DPY19L3: variants seen among roughly 807,000 people sequenced by gnomAD.
DPY19L3 encodes the protein protein C-mannosyl-transferase DPY19L3.
DPY19L3 carries 51 observed loss-of-function variants against 92.3 expected under a neutral mutation model. The ratio of observed to expected loss-of-function variants is 0.55; its 90% CI spans 0.44 to 0.70. The LOEUF is 0.70. Among genes scored for constraint, DPY19L3 ranks in the 30% least tolerant of loss-of-function variants. The pLI, the probability that DPY19L3 is intolerant of heterozygous loss-of-function variation, is 0.00. For synonymous variants in DPY19L3, 309 were observed against 315.2 expected, an observed-to-expected ratio of 0.98 and a Z score of 0.21; for missense variants, 706 against 855.9, an observed-to-expected ratio of 0.82 and a Z score of 2.18.
chr19:32,447,237 C>T (rs1376422172), intron 8 of DPY19L3, among the ~76,000 whole-genome samples: 3 of 151,986 alleles, frequency 2.0e-5, no homozygotes, highest in Non-Finnish European at 4.4e-5. Context: ...GGGACACATC[C>T]AAAGCAGTAT....
At chr19:32,472,531 AT>A (rs3038605) in intron 16 of DPY19L3, among the ~76,000 whole-genome samples, 92,377 of 134,646 alleles carry the variant, frequency 0.69, 30,572 homozygotes, top group South Asian at 0.72. Flanking sequence ...AAAAACTTGG[AT>A]TTTTTTTTTT....
intron 8 of DPY19L3, among the ~76,000 whole-genome samples, chr19:32,444,508 A>G (rs1449057995): frequency 6.6e-6 from 1 of 152,246 alleles, no homozygotes. Context: ...GAATCCCAGA[A>G]GAAGACAAGA....
intron 8 of DPY19L3, among the ~76,000 whole-genome samples, chr19:32,442,283 A>G (rs1209996064): frequency 6.6e-6 from 1 of 152,232 alleles, no homozygotes; most frequent in African/African-American, 2.4e-5. Flanking sequence ...TGAACAGAGT[A>G]AAACAGAACA....
At chr19:32,447,815 AT>A (rs66997418) in intron 8 of DPY19L3, among the ~76,000 whole-genome samples, 55,874 of 121,072 alleles carry the variant, frequency 0.46, 11,023 homozygotes, top group African/African-American at 0.57. Flanking sequence ...AGATAGATAG[AT>A]TAGATAGATA....
chr19:32,412,748 G>A (rs61407864), intron 3 of DPY19L3: 59,396 of 151,828 alleles, frequency 0.39, 13,643 homozygotes, highest in Non-Finnish European at 0.53. Flanking sequence ...TGGCCAACAT[G>A]GTGGAACCCT....
intron 3 of DPY19L3, chr19:32,411,657 T>C (rs959208585): frequency 1.1e-5 from 4 of 378,020 alleles, no homozygotes; most frequent in Non-Finnish European, 1.4e-5. Context: ...AACCTCTGCC[T>C]CGCAGGTTCA....
chr19:32,477,385 A>G, intron 16 of DPY19L3, 137 bp from the exon 17 acceptor site: 1 of 1,163,998 alleles, frequency 8.6e-7, no homozygotes, highest in South Asian at 1.6e-5. Flanking sequence ...AACCGAAGCA[A>G]ACTCCCGTTT....
At chr19:32,457,154 A>G (rs1318554545) in intron 10 of DPY19L3, among the ~76,000 whole-genome samples, 1 of 151,862 alleles carries the variant, frequency 6.6e-6, no homozygotes, top group Non-Finnish European at 1.5e-5. Context: ...CCATTTTTTG[A>G]CTCCCCGAAG....
At chr19:32,452,989 G>T (rs1969753156) in intron 8 of DPY19L3, among the ~76,000 whole-genome samples, 156 bp from the exon 9 acceptor site, 1 of 151,764 alleles carries the variant, frequency 6.6e-6, no homozygotes, top group Non-Finnish European at 1.5e-5. Flanking sequence ...TTACAGATGT[G>T]AGCCACCGCG....
chr19:32,412,324 A>G (rs1395824797), intron 3 of DPY19L3: 1 of 152,004 alleles, frequency 6.6e-6, no homozygotes, highest in Non-Finnish European at 1.5e-5. Flanking sequence ...AAGAAAGAAT[A>G]CTATCACATC....
At chr19:32,477,093 C>T (rs557067085) in intron 16 of DPY19L3, among the ~76,000 whole-genome samples, 49 of 152,290 alleles carry the variant, frequency 3.2e-4, no homozygotes, top group African/African-American at 1.2e-3. Context: ...TTGTTAGACT[C>T]TGCCCCTCTG....
chr19:32,464,080 A>G, intron 14 of DPY19L3, 100 bp downstream of exon 14: 1 of 583,950 alleles, frequency 1.7e-6, no homozygotes, highest in Non-Finnish European at 3.0e-6. Context: ...TAAAATGGAT[A>G]CTGAAATTGA....
At chr19:32,448,462 G>A (rs1474571046) in intron 8 of DPY19L3, among the ~76,000 whole-genome samples, 1 of 152,114 alleles carries the variant, frequency 6.6e-6, no homozygotes, top group Non-Finnish European at 1.5e-5. Flanking sequence ...AAACTCAATC[G>A]CTAGTAGCCT....
chr19:32,407,810 A>G (rs1434411064), intron 1 of DPY19L3, among the ~76,000 whole-genome samples: 1 of 152,228 alleles, frequency 6.6e-6, no homozygotes, highest in Admixed American at 6.5e-5. Flanking sequence ...GATCGAGGGC[A>G]GGCTGGGCAC....
At chr19:32,449,761 T>C (rs1346842969) in intron 8 of DPY19L3, among the ~76,000 whole-genome samples, 1 of 152,202 alleles carries the variant, frequency 6.6e-6, no homozygotes, top group Non-Finnish European at 1.5e-5. Context: ...CTGTACACAC[T>C]AACTCAAAGT....
intron 16 of DPY19L3, among the ~76,000 whole-genome samples, chr19:32,477,019 T>C (rs1055119358): frequency 1.3e-5 from 2 of 152,170 alleles, no homozygotes; most frequent in African/African-American, 4.8e-5. Flanking sequence ...TTGTTACATG[T>C]TGCTCTAGGT....
At chr19:32,428,064 C>T (rs571889255) in intron 3 of DPY19L3, 28 of 151,314 alleles carry the variant, frequency 1.9e-4, no homozygotes, top group Middle Eastern at 3.4e-3. Context: ...TTCCACCTCC[C>T]GGATTCAAGC....
chr19:32,463,570 T>C, intron 13 of DPY19L3, 82 bp downstream of exon 13: 2 of 1,454,080 alleles, frequency 1.4e-6, no homozygotes, highest in Middle Eastern at 2.4e-4. Context: ...AAAGTGACAA[T>C]CATCTTCATT....
chr19:32,463,819 G>A (rs1544511), intron 13 of DPY19L3, 50 bp from the exon 14 acceptor site: 901,751 of 1,488,230 alleles, frequency 0.61, 276,029 homozygotes, highest in East Asian at 0.63. Flanking sequence ...CAGAATCCAG[G>A]TTTATATACA....
Sources: allele counts gnomAD v4.1 joint callset (sites outside exome capture counted in the v4.1 genomes callset), GRCh38; gene constraint gnomAD v4.1.1; transcripts MANE v1.5; gene names NCBI Gene and HGNC (gene_info 2026-07-23, HGNC 2026-07-21).